The following MIA3 variants were observed in gnomAD, a reference collection of about 807,000 sequenced individuals.
MIA3 encodes MIA SH3 domain ER export factor 3, also known as transport and Golgi organization protein 1 homolog.
Under a neutral mutation model 192.4 loss-of-function variants are expected in MIA3, and 90 were observed. The observed-to-expected ratio is 0.47, with a 90% confidence interval of 0.39 to 0.56. MIA3 has a LOEUF of 0.56. Ranked by LOEUF, MIA3 falls within the 20% of genes least tolerant of loss-of-function variation. The probability of loss-of-function intolerance (pLI) is 0.00; values close to 1 mark genes in which losing one functional copy is unlikely to be tolerated. For missense variants in MIA3, 2,123 were observed against 2,269.4 expected (o/e 0.94, Z 1.31); for synonymous variants, 740 against 792.8 (o/e 0.93, Z 1.12).
At chr1:222,660,483 T>G (rs1387757760) in intron 24 of MIA3, 169 bp downstream of exon 24, 1 of 518,734 alleles carries the variant, frequency 1.9e-6, no homozygotes, top group African/African-American at 2.0e-5. Context: ...CAAGATTTGC[T>G]TTAGAACAGA....
chr1:222,621,982 A>G (rs141975162), intron 2 of MIA3, among the ~76,000 whole-genome samples: 4,141 of 151,732 alleles, frequency 0.027, 101 homozygotes, highest in Non-Finnish European at 0.04. Flanking sequence ...AATTTTTTGT[A>G]TTTTTTTAGT....
chr1:222,653,387 T>G lies in MIA3; in HGVS notation c.4321+48T>G, dbSNP rs1263602623. 16 of 1,219,418 alleles carry G rather than the reference T, an allele frequency of 1.3e-5. No homozygotes were observed. The Admixed American group carries it at 2.9e-4, about 22-fold the overall frequency. 75.5% of individuals were successfully genotyped at this position (1,219,418 alleles called of 1,614,324 possible). On this transcript the variant is annotated intron_variant, in intron 15 of 27. Transcript: ENST00000344922. ...TGGACCCCTTTTGCCTTCCTGTCTT[T>G]AAGTGCACCAGTGCTACTTTTCAGC...
intron 18 of MIA3, 164 bp from the exon 19 acceptor site, chr1:222,658,558 A>C (rs1395780983): frequency 2.1e-6 from 1 of 485,850 alleles, no homozygotes; most frequent in African/African-American, 2.0e-5. Context: ...AACAGGCCAC[A>C]GTTGGATTTT....
rs777873643 is a variant in MIA3 at position 222,628,329 on chromosome 1, C to G, written c.1109C>G (p.Pro370Arg). The G allele has an allele frequency of 3.7e-6, 6 of 1,613,460 alleles. No individual in the cohort carries two copies. The African/African-American group carries it at 5.3e-5, about 14-fold the overall frequency. Residue 370 changes from proline to arginine, a missense_variant, in exon 4 of 28, where the codon CCT (proline) becomes CGT (arginine). By Grantham distance (103) the Pro-to-Arg change is moderately radical. This residue lies in a region of MIA3 where 1,357 missense variants were observed against 1,396.1 expected (regional missense o/e 0.97). Coordinates refer to ENST00000344922, the MANE Select transcript of MIA3 (RefSeq NM_198551.4). ...EEDKVQLTVP[P>R]GIKNDDKNIL... ...GACAAGGTTCAGCTAACTGTGCCCC[C>G]TGGCATCAAAAATGATGATAAAAAT...
At chr1:222,644,558 A>T in intron 6 of MIA3, 1 of 1,550,616 alleles carries the variant, frequency 6.4e-7, no homozygotes, top group Admixed American at 2.0e-5. Context: ...TCTGTGCTCT[A>T]CGCAGCCTTC....
At position 222,618,124 on chromosome 1, in the gene MIA3, C is replaced by G; in HGVS notation, c.14C>G (p.Pro5Arg). The G allele has an allele frequency of 6.7e-7, 1 of 1,500,110 alleles. No individual in the cohort carries two copies. Among genetic ancestry groups the G allele is most frequent in the South Asian group, 1.2e-5 (1 of 81,186 alleles). 92.9% of individuals were successfully genotyped at this position (1,500,110 alleles called of 1,614,324 possible). A position where few individuals can be genotyped will look rare whatever the true frequency, so the allele number is the denominator to read the frequency against. The part of the protein sequence containing the change: MAAA[P>R]GLLVWLLVLR... ...GGTGACCACAACATGGCTGCGGCGC[C>G]TGGGCTGCTCGTCTGGCTGCTCGTG... Residue 5 changes from proline (P) to arginine (R), a missense_variant, in exon 1 of 28, where the codon CCT becomes CGT. By Grantham distance (103) the Pro-to-Arg change is moderately radical. This residue lies in a region of MIA3 where 1,357 missense variants were observed against 1,396.1 expected (regional missense o/e 0.97). Coordinates refer to ENST00000344922, the MANE Select transcript of MIA3 (RefSeq NM_198551.4).
rs1662219608 is a variant in MIA3, at chr1:222,628,353, A to T, written c.1133A>T (p.Asn378Ile). The change falls in exon 4 of 28, where the codon AAT becomes ATT. Residue 378 changes from asparagine (N) to isoleucine (I), a missense_variant. Coordinates refer to ENST00000344922, the MANE Select transcript of MIA3 (RefSeq NM_198551.4). ...CCTGGCATCAAAAATGATGATAAAA[A>T]TATACTAACAACCTGGGGGGACACT... ...VPPGIKNDDK[N>I]ILTTWGDTIF... 6.2e-7 allele frequency: 1 copy of T among 1,613,798 alleles called. No homozygotes were observed. The highest frequency in any genetic ancestry group is 1.3e-5 in the African/African-American group (1 of 74,994).
intron 6 of MIA3, among the ~76,000 whole-genome samples, chr1:222,636,952 G>C (rs745336764): frequency 6.6e-6 from 1 of 152,164 alleles, no homozygotes; most frequent in African/African-American, 2.4e-5. Context: ...AGAAAGTACC[G>C]CCAGGTAGAA....
chr1:222,628,502 C>T lies in MIA3; in HGVS notation c.1282C>T (p.Pro428Ser). 1 of 1,613,646 alleles carries T rather than the reference C, an allele frequency of 6.2e-7. No homozygotes were observed. The highest frequency in any genetic ancestry group is 8.5e-7 in the Non-Finnish European group (1 of 1,179,886). ...ALVPDSKQGK[P>S]QSATDYSDPD... ...AGTCCCAGATAGCAAACAGGGGAAACCACAGTCAGCAACAGATTATAGTGA... is the reference window on the plus strand; with the variant it reads ...AGTCCCAGATAGCAAACAGGGGAAATCACAGTCAGCAACAGATTATAGTGA... Residue 428 changes from proline to serine, a missense_variant, in exon 4 of 28, where the codon CCA (proline) becomes TCA (serine). Physicochemically the swap from Pro to Ser is moderately conservative, Grantham distance 74. This residue lies in a region of MIA3 where 1,357 missense variants were observed against 1,396.1 expected (regional missense o/e 0.97). Coordinates refer to ENST00000344922, the MANE Select transcript of MIA3 (RefSeq NM_198551.4).
At position 222,644,377 on chromosome 1, in the gene MIA3, C is replaced by T. The variant is rs988828841; in HGVS notation, c.3478-1177C>T. On this transcript the variant is annotated intron_variant, in intron 6 of 27. Transcript: ENST00000344922. ...GCGAAGTTCAATCCCAGAGTCCGCCCCCTGAATTGGGGCCTTTCCGGAGGA... is the reference window on the plus strand; with the variant it reads ...GCGAAGTTCAATCCCAGAGTCCGCCTCCTGAATTGGGGCCTTTCCGGAGGA... 40 of 1,520,310 alleles carry T rather than the reference C, an allele frequency of 2.6e-5. No individual in the cohort carries two copies. The African/African-American group carries it at 3.9e-4, about 15-fold the overall frequency. The allele number at this position is 1,520,310 out of a possible 1,614,324, so 94.2% of individuals were successfully genotyped here. A position where few individuals can be genotyped will look rare whatever the true frequency, so the allele number is the denominator to read the frequency against.
chr1:222,641,029 A>T (rs987016112), intron 6 of MIA3, among the ~76,000 whole-genome samples: 1 of 152,260 alleles, frequency 6.6e-6, no homozygotes, highest in Non-Finnish European at 1.5e-5. Flanking sequence ...CTACACACTT[A>T]CTATAATGGC....
In MIA3 at chr1:222,660,332, T is replaced by C. The variant is rs780844470; in HGVS notation, c.5113+18T>C. On this transcript the variant is annotated intron_variant, in intron 24 of 27. Coordinates refer to ENST00000344922, the MANE Select transcript of MIA3 (RefSeq NM_198551.4). ...TGAATTTGGTGAGCATTCACATGTT[T>C]CCTTGCAATACTCTTTTGGGTGGCT... 6.2e-7 allele frequency: 1 copy of C among 1,600,586 alleles called. No individual in the cohort carries two copies. Among genetic ancestry groups the C allele is most frequent in the South Asian group, 1.1e-5 (1 of 88,102 alleles).
chr1:222,663,915 T>C (rs1202040616), intron 26 of MIA3, 83 bp from the exon 27 acceptor site: 3 of 1,297,208 alleles, frequency 2.3e-6, no homozygotes, highest in South Asian at 2.8e-5. Flanking sequence ...ATCTGCTTCA[T>C]TGGGTTTTAG....
chr1:222,631,108 CT>C (rs778840685), intron 4 of MIA3, among the ~76,000 whole-genome samples: 27 of 150,416 alleles, frequency 1.8e-4, no homozygotes, highest in Non-Finnish European at 2.8e-4. Flanking sequence ...CTTCCTTCCT[CT>C]TTCTTTTTTT....
In MIA3 at chr1:222,650,813, A is replaced by G. The variant is rs779790368; in HGVS notation, c.3819A>G (p.Glu1273=). The part of the protein sequence containing the change: ...IKYKDKIKTL[E]KNQEILDDTA... Reference sequence around the variant, plus strand: ...TGTAGGATAAAATCAAGACACTTGAAAAAAATCAGGAAATTCTGGATGACA... The same window carrying G: ...TGTAGGATAAAATCAAGACACTTGAGAAAAATCAGGAAATTCTGGATGACA... The change falls in exon 11 of 28, where the codon GAA becomes GAG. Residue 1273 remains glutamate, a synonymous_variant. Transcript: ENST00000344922. The G allele has an allele frequency of 6.2e-7, 1 of 1,609,384 alleles. No homozygotes were observed. The highest frequency in any genetic ancestry group is 8.5e-7 in the Non-Finnish European group (1 of 1,177,710).
intron 3 of MIA3, among the ~76,000 whole-genome samples, chr1:222,627,089 T>C (rs986309874): frequency 2.0e-5 from 3 of 152,142 alleles, no homozygotes; most frequent in African/African-American, 7.2e-5. Flanking sequence ...AAATAGGAGA[T>C]CAAAATGACC....
rs765984165 is a variant in MIA3 at position 222,652,249 on chromosome 1, G to T, written c.4003G>T (p.Ala1335Ser). 6 of 1,613,348 alleles carry T rather than the reference G, an allele frequency of 3.7e-6. No individual in the cohort carries two copies. The Admixed American group carries it at 1.0e-4, about 27-fold the overall frequency. ...FSEVQIALNE[A>S]KLSEEKVKSE... ...TTAGGTTCAGATTGCACTTAATGAA[G>T]CTAAGCTTAGTGAAGAGAAGGTGAA... Residue 1335 changes from alanine to serine, a missense_variant, in exon 13 of 28, where the codon GCT (alanine) becomes TCT (serine). This residue lies in a region of MIA3 where 762 missense variants were observed against 856.4 expected (regional missense o/e 0.89). Coordinates refer to ENST00000344922, the MANE Select transcript of MIA3 (RefSeq NM_198551.4).
At chr1:222,644,595 C>T in intron 6 of MIA3, 1 of 1,550,448 alleles carries the variant, frequency 6.4e-7, no homozygotes, top group Non-Finnish European at 8.7e-7. Flanking sequence ...AGGTGACAGT[C>T]CCGATTCCCG....
chr1:222,623,107 T>G (rs1661951183), intron 2 of MIA3, among the ~76,000 whole-genome samples: 1 of 152,230 alleles, frequency 6.6e-6, no homozygotes, highest in African/African-American at 2.4e-5. Flanking sequence ...TGGCATTTAT[T>G]TATATTTGTC....
Sources: gnomAD v4.1 joint callset for allele counts (sites outside exome capture counted in the v4.1 genomes callset) on GRCh38, gnomAD v4.1.1 for gene constraint, gnomAD v4.1.1 regional missense constraint, MANE v1.5 for transcripts, NCBI Gene and HGNC (gene_info 2026-07-23, HGNC 2026-07-21) for gene names.